The following LRMDA variants were observed in gnomAD, a reference collection of about 807,000 sequenced individuals.
LRMDA encodes leucine-rich melanocyte differentiation-associated protein.
LRMDA carries 18 observed loss-of-function variants against 29.8 expected under a neutral mutation model. That is an observed-to-expected ratio of 0.60 (90% CI 0.42 to 0.90). The LOEUF (loss-of-function observed/expected upper bound fraction) is 0.90. Among genes scored for constraint, LRMDA ranks in the 40% least tolerant of loss-of-function variants. The pLI, the probability that LRMDA is intolerant of heterozygous loss-of-function variation, is 0.00. For missense variants in LRMDA, 273 were observed against 273.9 expected, an observed-to-expected ratio of 1.00 and a Z score of 0.02; for synonymous variants, 125 against 109.4, an observed-to-expected ratio of 1.14 and a Z score of -0.89.
chr10:75,607,804 C>T (rs4746312), intron 2 of LRMDA, among the ~76,000 whole-genome samples: 13,892 of 146,080 alleles, frequency 0.095, 2,148 homozygotes, highest in African/African-American at 0.32. Flanking sequence ...GGCCCCACTC[C>T]TGGAGATTTT....
intron 5 of LRMDA, among the ~76,000 whole-genome samples, chr10:76,283,493 G>A (rs186741412): frequency 6.6e-6 from 1 of 152,286 alleles, no homozygotes; most frequent in Non-Finnish European, 1.5e-5. Context: ...TCAGTGATCT[G>A]TACTGAAGGA....
At chr10:75,642,448 A>G (rs1469644421) in intron 2 of LRMDA, 1 of 152,206 alleles carries the variant, frequency 6.6e-6, no homozygotes, top group Non-Finnish European at 1.5e-5. Context: ...AGGGAATTTT[A>G]TACTTGGGAA....
chr10:75,570,931 C>T (rs968517683), intron 2 of LRMDA, among the ~76,000 whole-genome samples: 5 of 152,162 alleles, frequency 3.3e-5, no homozygotes, highest in African/African-American at 1.2e-4. Context: ...ATACAACCTC[C>T]TTCTAATCTA....
Position 75,737,094 on chromosome 10 carries a change from C to G in LRMDA, c.131+298600C>G, listed in dbSNP as rs564927529. Among the ~76,000 whole-genome samples, 241 of 152,054 alleles carry G rather than the reference C, an allele frequency of 1.6e-3. 1 individual carries two copies. The highest frequency in any genetic ancestry group is 5.4e-3 in the African/African-American group (222 of 41,490). On this transcript the variant is annotated intron_variant, in intron 2 of 6. Coordinates refer to ENST00000611255, the MANE Select transcript of LRMDA (RefSeq NM_001305581.2). ...ACACACACACGCACATGCATGCACA[C>G]ACACACATGCACACGCACGCACACA...
intron 2 of LRMDA, among the ~76,000 whole-genome samples, chr10:75,753,192 A>T (rs949753604): frequency 6.6e-6 from 1 of 152,164 alleles, no homozygotes; most frequent in Non-Finnish European, 1.5e-5. Context: ...TTATCCATTC[A>T]TTCTGCAGAT....
In LRMDA at chr10:76,027,279, C is replaced by T. The variant is rs549783095; in HGVS notation, c.132-8729C>T. ...GATTTGCTTCTGTGGTGGTCACTGGCGATTCATACTAAGTCCTCTTCCCAG... is the reference window on the plus strand; with the variant it reads ...GATTTGCTTCTGTGGTGGTCACTGGTGATTCATACTAAGTCCTCTTCCCAG... On this transcript the variant is annotated intron_variant, in intron 2 of 6. Transcript: ENST00000611255. Among the ~76,000 whole-genome samples, 6 of 152,206 alleles carry T rather than the reference C, an allele frequency of 3.9e-5. No homozygotes were observed. In the East Asian group the frequency reaches 7.7e-4, roughly 20 times the overall value.
intron 2 of LRMDA, among the ~76,000 whole-genome samples, chr10:75,661,090 C>CA (rs1219706911): frequency 1.3e-5 from 2 of 152,160 alleles, no homozygotes; most frequent in Non-Finnish European, 2.9e-5. Flanking sequence ...ACTGCTTTGC[C>CA]AGCAGCCAGG....
intron 5 of LRMDA, among the ~76,000 whole-genome samples, chr10:76,258,439 T>A (rs1342238322): frequency 2.0e-5 from 3 of 152,178 alleles, no homozygotes; most frequent in Non-Finnish European, 4.4e-5. Context: ...ATCGCAAACA[T>A]TTTTCATTTC....
intron 5 of LRMDA, among the ~76,000 whole-genome samples, chr10:76,122,366 T>G (rs1849805553): frequency 6.6e-6 from 1 of 151,994 alleles, no homozygotes; most frequent in African/African-American, 2.4e-5. Flanking sequence ...TCAGGTGTTT[T>G]CCTTCCCCTG....
chr10:75,998,522 G>A, intron 2 of LRMDA, among the ~76,000 whole-genome samples: 1 of 152,284 alleles, frequency 6.6e-6, no homozygotes, highest in Non-Finnish European at 1.5e-5. Flanking sequence ...GAAAATAATA[G>A]CAAGCATGTA....
intron 2 of LRMDA, among the ~76,000 whole-genome samples, chr10:75,645,944 A>T (rs1589144999): frequency 2.1e-5 from 3 of 141,626 alleles, no homozygotes; most frequent in African/African-American, 2.6e-5. Flanking sequence ...TCTCCATTTC[A>T]CTCTTTTCCT....
At chr10:76,076,602 A>G (rs1399837369) in intron 5 of LRMDA, among the ~76,000 whole-genome samples, 2 of 152,056 alleles carry the variant, frequency 1.3e-5, no homozygotes, top group Non-Finnish European at 2.9e-5. Context: ...TGTGGGATTC[A>G]CTGACAATTC....
At chr10:75,846,964 T>C (rs1422724999) in intron 2 of LRMDA, among the ~76,000 whole-genome samples, 1 of 152,202 alleles carries the variant, frequency 6.6e-6, no homozygotes, top group Non-Finnish European at 1.5e-5. Flanking sequence ...GTAATCTTGA[T>C]CAAAATCTCA....
chr10:75,680,035 C>T (rs1842005643), intron 2 of LRMDA, among the ~76,000 whole-genome samples: 1 of 152,258 alleles, frequency 6.6e-6, no homozygotes. Context: ...CATTTCTCAG[C>T]AACTCTTCCT....
intron 5 of LRMDA, among the ~76,000 whole-genome samples, chr10:76,086,159 G>A (rs7090986): frequency 0.058 from 8,845 of 152,210 alleles, 668 homozygotes; most frequent in African/African-American, 0.17. Context: ...CAGTTACTTC[G>A]TGAGTTCAGA....
chr10:75,929,341 G>A (rs553908071), intron 2 of LRMDA, among the ~76,000 whole-genome samples: 1 of 152,054 alleles, frequency 6.6e-6, no homozygotes, highest in Admixed American at 6.5e-5. Context: ...GCATATGTTG[G>A]TAGAATTCAT....
chr10:76,552,446 A>G (rs1589234814), intron 6 of LRMDA, among the ~76,000 whole-genome samples: 1 of 152,170 alleles, frequency 6.6e-6, no homozygotes, highest in South Asian at 2.1e-4. Context: ...TACAGGCTGG[A>G]TGGGTTTCAA....
intron 2 of LRMDA, among the ~76,000 whole-genome samples, chr10:75,723,346 C>G (rs568798293): frequency 1.3e-5 from 2 of 152,294 alleles, no homozygotes; most frequent in South Asian, 4.1e-4. Flanking sequence ...TGTGATGAAC[C>G]AAGAAAGTAG....
intron 2 of LRMDA, among the ~76,000 whole-genome samples, chr10:75,997,045 T>C (rs1847480059): frequency 6.6e-6 from 1 of 152,190 alleles, no homozygotes; most frequent in Non-Finnish European, 1.5e-5. Flanking sequence ...ATTTTGTTTT[T>C]AAGGATTTTT....
Sources: allele counts gnomAD v4.1 joint callset (sites outside exome capture counted in the v4.1 genomes callset), GRCh38; gene constraint gnomAD v4.1.1; transcripts MANE v1.5; gene names NCBI Gene and HGNC (gene_info 2026-07-23, HGNC 2026-07-21).